Variants in GPC5 observed in about 807,000 individuals in gnomAD.
GPC5 encodes the protein glypican 5.
A neutral mutation model predicts 53.9 loss-of-function variants in GPC5; 47 were observed. That is an observed-to-expected ratio of 0.87 (90% CI 0.69 to 1.11). The LOEUF (loss-of-function observed/expected upper bound fraction) is 1.11, where lower values mean the gene tolerates loss of function less well. Among genes scored for constraint, GPC5 ranks in the 50% most tolerant of loss-of-function variants. The pLI is 0.00. For synonymous variants in GPC5, 286 were observed against 263.3 expected (o/e 1.09, Z -0.84); for missense variants, 748 against 713.1 (o/e 1.05, Z -0.56).
chr13:91,785,975 T>C (rs168279), intron 5 of GPC5, among the ~76,000 whole-genome samples: 55,152 of 151,962 alleles, frequency 0.36, 11,695 homozygotes, highest in African/African-American at 0.59. Context: ...GGTCTGTCAC[T>C]CTCTACTACA....
At chr13:91,880,113 A>T (rs531961768) in intron 5 of GPC5, among the ~76,000 whole-genome samples, 5 of 152,004 alleles carry the variant, frequency 3.3e-5, no homozygotes, top group East Asian at 3.9e-4. Flanking sequence ...GGGACTTAAA[A>T]TTTTTTTTAA....
chr13:92,445,263 T>C lies in GPC5; in HGVS notation c.1561+300274T>C, dbSNP rs12871123. 6.3e-3 allele frequency among the ~76,000 whole-genome samples: 776 copies of C among 123,000 alleles called. 13 individuals carry two copies. The highest frequency in any genetic ancestry group is 0.035 in the Middle Eastern group (9 of 260). 80.7% of individuals were successfully genotyped at this position (123,000 alleles called of 152,430 possible). A position where few individuals can be genotyped will look rare whatever the true frequency, so the allele number is the denominator to read the frequency against. On this transcript the variant is annotated intron_variant, in intron 7 of 7. Transcript: ENST00000377067. ...TCCTTTCCTTTCTCTCTCTCTCTCT[T>C]TTTTTTTTTAACAAAGATTCTCTTT...
intron 3 of GPC5, among the ~76,000 whole-genome samples, chr13:91,699,844 T>C (rs1364543993): frequency 6.6e-6 from 1 of 152,210 alleles, no homozygotes; most frequent in African/African-American, 2.4e-5. Flanking sequence ...GGTCACTATA[T>C]AGTGTTGAGG....
At chr13:92,517,844 A>C (rs9589569) in intron 7 of GPC5, among the ~76,000 whole-genome samples, 5,223 of 152,344 alleles carry the variant, frequency 0.034, 257 homozygotes, top group African/African-American at 0.1. Context: ...GACTTTGATG[A>C]GTTGAGAGAA....
Position 91,643,747 on chromosome 13 carries a change from A to G in GPC5, c.326-49440A>G, listed in dbSNP as rs563398804. Among the ~76,000 whole-genome samples, 36 of 152,206 alleles carry G rather than the reference A, an allele frequency of 2.4e-4. 2 individuals carry two copies. In the South Asian group the frequency reaches 7.5e-3, roughly 32 times the overall value. On this transcript the variant is annotated intron_variant, in intron 2 of 7. Transcript: ENST00000377067. ...AAGCATCACCTCAATTTCTGCCTTC[A>G]CCATCACATGGCCTCCCCCCTGTGT...
At chr13:92,793,126 T>C (rs2138777280) in intron 7 of GPC5, among the ~76,000 whole-genome samples, 1 of 152,140 alleles carries the variant, frequency 6.6e-6, no homozygotes, top group Non-Finnish European at 1.5e-5. Flanking sequence ...ATTGACCACA[T>C]AGTTGGAAGT....
intron 6 of GPC5, among the ~76,000 whole-genome samples, chr13:92,015,282 T>C (rs2040696922): frequency 6.6e-6 from 1 of 152,158 alleles, no homozygotes; most frequent in Non-Finnish European, 1.5e-5. Context: ...AACCCTGTCT[T>C]AGATTGAGAA....
intron 6 of GPC5, among the ~76,000 whole-genome samples, chr13:92,109,684 C>T (rs556767482): frequency 2.0e-5 from 3 of 152,004 alleles, no homozygotes; most frequent in Non-Finnish European, 4.4e-5. Flanking sequence ...ATATGTCTTC[C>T]CCATTACCGT....
chr13:92,698,698 G>A (rs936759408), intron 7 of GPC5, among the ~76,000 whole-genome samples: 6 of 152,068 alleles, frequency 3.9e-5, no homozygotes, highest in Non-Finnish European at 5.9e-5. Context: ...GGATTGCTGG[G>A]TCAAATGGTA....
At chr13:91,497,479 G>A (rs983484843) in intron 2 of GPC5, among the ~76,000 whole-genome samples, 6 of 152,150 alleles carry the variant, frequency 3.9e-5, no homozygotes, top group African/African-American at 1.2e-4. Context: ...TGTTAGAAAT[G>A]TCTTATCTCT....
intron 2 of GPC5, among the ~76,000 whole-genome samples, chr13:91,467,467 T>G (rs1882313793): frequency 6.6e-6 from 1 of 152,154 alleles, no homozygotes; most frequent in Admixed American, 6.6e-5. Flanking sequence ...TTCTCATTCC[T>G]CATTTTGCTT....
chr13:91,728,600 CAA>C lies in GPC5; in HGVS notation c.1091_1092del (p.Lys364ArgfsTer13). 6.2e-7 allele frequency: 1 copy of C among 1,613,246 alleles called. No individual in the cohort carries two copies. On this transcript the variant is annotated frameshift_variant, in exon 4 of 8. Coordinates refer to ENST00000377067, the MANE Select transcript of GPC5 (RefSeq NM_004466.6). LOFTEE classifies it high-confidence loss of function. Reference sequence around the variant, plus strand: ...GCCCCCGTTGTTCTTTTGATCAGAGCAAAGAGAAGCATGGAATGAAGACCACC... The same window carrying C: ...GCCCCCGTTGTTCTTTTGATCAGAGCAGAGAAGCATGGAATGAAGACCACC... ...QSPRCSFDQS[K>X]EKHGMKTTTR...
chr13:92,547,320 GA>G (rs1291903441), intron 7 of GPC5, among the ~76,000 whole-genome samples: 1 of 152,068 alleles, frequency 6.6e-6, no homozygotes, highest in Non-Finnish European at 1.5e-5. Context: ...GTACTTTAGA[GA>G]AAAAATTAAC....
chr13:92,445,384 A>C (rs561333494), intron 7 of GPC5, among the ~76,000 whole-genome samples: 4 of 150,674 alleles, frequency 2.7e-5, no homozygotes, highest in Non-Finnish European at 5.9e-5. Flanking sequence ...TTACATATGT[A>C]TACATGTGCC....
chr13:92,291,561 T>A (rs1032021636), intron 7 of GPC5, among the ~76,000 whole-genome samples: 7 of 152,246 alleles, frequency 4.6e-5, no homozygotes, highest in Non-Finnish European at 8.8e-5. Flanking sequence ...TCTGGCTCTC[T>A]GTAAAATGGA....
intron 2 of GPC5, among the ~76,000 whole-genome samples, chr13:91,627,653 T>G (rs895344098): frequency 6.6e-6 from 1 of 151,970 alleles, no homozygotes; most frequent in Non-Finnish European, 1.5e-5. Flanking sequence ...ACTGGGGAGA[T>G]CTCTAATTGG....
intron 5 of GPC5, among the ~76,000 whole-genome samples, chr13:91,813,861 G>T (rs1371837064): frequency 7.0e-6 from 1 of 142,608 alleles, no homozygotes; most frequent in South Asian, 2.2e-4. Flanking sequence ...GTTAAATCTT[G>T]TTCATGTGTA....
intron 6 of GPC5, among the ~76,000 whole-genome samples, chr13:91,970,431 C>CCG (rs2040230635): frequency 7.0e-6 from 1 of 143,700 alleles, no homozygotes; most frequent in African/African-American, 2.9e-5. Context: ...GAGTAGATTG[C>CCG]CCCCCCCTCA....
At chr13:91,897,826 C>T (rs2039459310) in intron 5 of GPC5, among the ~76,000 whole-genome samples, 1 of 152,124 alleles carries the variant, frequency 6.6e-6, no homozygotes, top group South Asian at 2.1e-4. Context: ...AAAGTGCTCC[C>T]CCATATTTCT....
Sources: gnomAD v4.1 joint callset for allele counts (sites outside exome capture counted in the v4.1 genomes callset) on GRCh38, gnomAD v4.1.1 for gene constraint, MANE v1.5 for transcripts, NCBI Gene and HGNC (gene_info 2026-07-23, HGNC 2026-07-21) for gene names.